TRMT11: variants seen among roughly 807,000 people sequenced by gnomAD.
The protein encoded by TRMT11 is tRNA (guanine(10)-N(2))-methyltransferase TRMT11.
A neutral mutation model predicts 62.8 loss-of-function variants in TRMT11; 53 were observed. That is an observed-to-expected ratio of 0.84 (90% CI 0.68 to 1.06). The LOEUF is 1.06. Ranked by LOEUF, TRMT11 falls within the 50% of genes least tolerant of loss-of-function variation. The pLI is 0.00. For missense variants in TRMT11, 556 were observed against 553.4 expected, an observed-to-expected ratio of 1.00 and a Z score of -0.05; for synonymous variants, 188 against 190.3, an observed-to-expected ratio of 0.99 and a Z score of 0.10.
chr6:126,212,652 G>A, the TRMT11 span, among the ~76,000 whole-genome samples: 1 of 151,860 alleles, frequency 6.6e-6, no homozygotes, highest in African/African-American at 2.4e-5. Context: ...AGAGTTGTTT[G>A]GGCTCCTTAT....
chr6:126,270,773 T>C, the TRMT11 span, among the ~76,000 whole-genome samples: 3 of 152,204 alleles, frequency 2.0e-5, no homozygotes, highest in African/African-American at 4.8e-5. Context: ...CAAAAAGTTA[T>C]GTATCACATT....
the TRMT11 span, among the ~76,000 whole-genome samples, chr6:126,264,795 C>G: frequency 1.2e-3 from 188 of 152,238 alleles, no homozygotes; most frequent in East Asian, 0.012. Context: ...TAAACTGCAA[C>G]TCTTTCCTGT....
chr6:126,057,801 G>A (rs1174736747), intron 17 of TRMT11, among the ~76,000 whole-genome samples: 1 of 152,174 alleles, frequency 6.6e-6, no homozygotes, highest in Non-Finnish European at 1.5e-5. Context: ...GGGGCTCAAG[G>A]AACCTAGGTC....
At chr6:126,193,462 T>C (rs575410241) in intron 1 of TRMT11, among the ~76,000 whole-genome samples, 36 of 151,406 alleles carry the variant, frequency 2.4e-4, no homozygotes, top group African/African-American at 8.7e-4. Context: ...AAGTGCATTG[T>C]TAGGTTATTT....
At chr6:126,001,703 C>T (rs1012449843) in intron 7 of TRMT11, among the ~76,000 whole-genome samples, 1 of 152,046 alleles carries the variant, frequency 6.6e-6, no homozygotes, top group Non-Finnish European at 1.5e-5. Flanking sequence ...CCTCTCACCA[C>T]TCAGGTCGTC....
At chr6:125,991,919 A>G (rs868815722) in intron 1 of TRMT11, among the ~76,000 whole-genome samples, 3 of 152,220 alleles carry the variant, frequency 2.0e-5, no homozygotes, top group South Asian at 2.1e-4. Flanking sequence ...AAATGGATGA[A>G]AAAGCAAGTA....
chr6:126,237,583 A>AG, the TRMT11 span, among the ~76,000 whole-genome samples: 71 of 152,152 alleles, frequency 4.7e-4, no homozygotes, highest in African/African-American at 1.7e-3. Context: ...TGGGAGGCTG[A>AG]GGGGGGAGGA....
At chr6:126,257,012 A>G in the TRMT11 span, among the ~76,000 whole-genome samples, 1 of 151,838 alleles carries the variant, frequency 6.6e-6, no homozygotes, top group Non-Finnish European at 1.5e-5. Context: ...CAGTCTCCCA[A>G]GTAGCTGGGA....
intron 17 of TRMT11, among the ~76,000 whole-genome samples, chr6:126,070,194 T>G (rs1776812253): frequency 2.0e-5 from 3 of 152,282 alleles, no homozygotes; most frequent in African/African-American, 7.2e-5. Context: ...CCAAGGAATT[T>G]TCACTTTTTG....
chr6:126,165,591 A>C (rs1449044091), intron 21 of TRMT11, among the ~76,000 whole-genome samples: 1 of 152,154 alleles, frequency 6.6e-6, no homozygotes, highest in Admixed American at 6.5e-5. Context: ...CTTTTCTTTA[A>C]GAATGTTGAA....
intron 7 of TRMT11, among the ~76,000 whole-genome samples, chr6:126,005,723 G>A (rs1216706242): frequency 1.3e-5 from 2 of 151,948 alleles, no homozygotes; most frequent in African/African-American, 4.8e-5. Context: ...CAGCAGGCAA[G>A]GGAATTGAAA....
intron 21 of TRMT11, among the ~76,000 whole-genome samples, chr6:126,147,322 A>G (rs1358099611): frequency 6.6e-6 from 1 of 152,194 alleles, no homozygotes; most frequent in Non-Finnish European, 1.5e-5. Context: ...TGCCAAAATA[A>G]TAAACATGCT....
chr6:126,219,878 G>A, the TRMT11 span, among the ~76,000 whole-genome samples: 1 of 152,124 alleles, frequency 6.6e-6, no homozygotes, highest in Non-Finnish European at 1.5e-5. Flanking sequence ...TAAATACTAT[G>A]AGGGAGGTAG....
chr6:126,070,380 C>G (rs891153566), intron 17 of TRMT11, among the ~76,000 whole-genome samples: 1 of 152,182 alleles, frequency 6.6e-6, no homozygotes, highest in Non-Finnish European at 1.5e-5. Context: ...TCCCATATAC[C>G]TGGTACTCTC....
intron 11 of TRMT11, among the ~76,000 whole-genome samples, chr6:126,014,353 C>T (rs548669172): frequency 1.3e-3 from 194 of 152,234 alleles, no homozygotes; most frequent in African/African-American, 4.5e-3. Context: ...TGGGTTCAAG[C>T]GATACTCCCA....
intron 21 of TRMT11, among the ~76,000 whole-genome samples, chr6:126,141,746 T>C (rs1190565027): frequency 1.3e-5 from 2 of 152,148 alleles, no homozygotes; most frequent in Non-Finnish European, 2.9e-5. Context: ...GTTCTGGCCT[T>C]TATCTTTGAC....
At chr6:126,112,572 G>A (rs979943894) in intron 17 of TRMT11, among the ~76,000 whole-genome samples, 1 of 152,118 alleles carries the variant, frequency 6.6e-6, no homozygotes, top group Non-Finnish European at 1.5e-5. Flanking sequence ...CAGATAGCCT[G>A]GCCTTGCCAT....
the TRMT11 span, among the ~76,000 whole-genome samples, chr6:126,239,301 C>T: frequency 6.6e-6 from 1 of 152,040 alleles, no homozygotes; most frequent in African/African-American, 2.4e-5. Flanking sequence ...TCTTCCTAGC[C>T]TCGATGGTCT....
rs144489086 is a variant in TRMT11, at chr6:126,049,407, C to T, written c.*1370-3716C>T. 5.0e-4 allele frequency among the ~76,000 whole-genome samples: 76 copies of T among 152,186 alleles called. 1 individual carries two copies. In the East Asian group the frequency reaches 9.1e-3, roughly 18 times the overall value. On this transcript the variant is annotated intron_variant and NMD_transcript_variant, in intron 16 of 22. Coordinates refer to the TRMT11 transcript ENST00000648977. ...GCAGGCAAATAAATATTCTAGTTGA[C>T]GTATTATCTTCAATTTTCTTTCTCT...
Sources: gnomAD v4.1 joint callset for allele counts (sites outside exome capture counted in the v4.1 genomes callset) on GRCh38, gnomAD v4.1.1 for gene constraint, MANE v1.5 for transcripts, NCBI Gene and HGNC (gene_info 2026-07-23, HGNC 2026-07-21) for gene names.